The following SEMA3D variants were observed in gnomAD, a reference collection of about 807,000 sequenced individuals.
SEMA3D encodes semaphorin-3D.
In SEMA3D, 84 loss-of-function variants were observed where a neutral mutation model predicts 100.1. The observed-to-expected ratio is 0.84, with a 90% CI of 0.70 to 1.01. The LOEUF (loss-of-function observed/expected upper bound fraction) is 1.01, where lower values mean the gene tolerates loss of function less well. Ranked by LOEUF, SEMA3D falls within the 50% of genes least tolerant of loss-of-function variation. SEMA3D has a pLI of 0.00. For missense variants in SEMA3D, 875 were observed against 934.1 expected, an observed-to-expected ratio of 0.94 and a Z score of 0.82; for synonymous variants, 312 against 320.7, an observed-to-expected ratio of 0.97 and a Z score of 0.29.
At chr7:85,221,030 C>A in the SEMA3D span, among the ~76,000 whole-genome samples, 1 of 151,962 alleles carries the variant, frequency 6.6e-6, no homozygotes, top group East Asian at 1.9e-4. Flanking sequence ...TCCAAAGGAC[C>A]TTGGCCTCAG....
the SEMA3D span, among the ~76,000 whole-genome samples, chr7:85,244,410 T>C: frequency 4.7e-4 from 71 of 152,264 alleles, no homozygotes; most frequent in African/African-American, 1.5e-3. Flanking sequence ...GGGAGTCAAA[T>C]CTTAATATGA....
chr7:85,180,811 C>T (rs747381372), intron 1 of SEMA3D, among the ~76,000 whole-genome samples: 38 of 152,134 alleles, frequency 2.5e-4, no homozygotes, highest in Non-Finnish European at 4.6e-4. Context: ...TCTCTTTAGG[C>T]TTAGGCTTCT....
chr7:85,192,914 A>G, the SEMA3D span, among the ~76,000 whole-genome samples: 2 of 152,130 alleles, frequency 1.3e-5, no homozygotes, highest in African/African-American at 4.8e-5. Flanking sequence ...GTCTATGATA[A>G]CCCATTTATT....
chr7:85,179,064 G>A (rs1248099236), intron 1 of SEMA3D, among the ~76,000 whole-genome samples: 1 of 152,222 alleles, frequency 6.6e-6, no homozygotes, highest in Non-Finnish European at 1.5e-5. Context: ...CAGGATGTAT[G>A]GAAATGCATG....
At position 85,179,847 on chromosome 7, in the gene SEMA3D, G is replaced by C. The variant is rs1224107225; in HGVS notation, c.-173+6831C>G. Among the ~76,000 whole-genome samples, 4 of 152,088 alleles carry C rather than the reference G, an allele frequency of 2.6e-5. No individual in the cohort carries two copies. The South Asian group carries it at 6.2e-4, about 24-fold the overall frequency. Reference sequence around the variant, plus strand: ...TGGCTAATTTTTTGTATTTTTAGTAGAGATGGGGTTTCACCGTGTTAGCCA... The same window carrying C: ...TGGCTAATTTTTTGTATTTTTAGTACAGATGGGGTTTCACCGTGTTAGCCA... On this transcript the variant is annotated intron_variant, in intron 1 of 18. Coordinates refer to ENST00000284136, the MANE Select transcript of SEMA3D (RefSeq NM_001384900.1).
chr7:85,117,619 A>G (rs2116388908), intron 3 of SEMA3D, among the ~76,000 whole-genome samples: 1 of 152,166 alleles, frequency 6.6e-6, no homozygotes, highest in East Asian at 1.9e-4. Context: ...CAAAAAATAC[A>G]AAAATTAGCC....
At chr7:85,208,851 G>A in the SEMA3D span, among the ~76,000 whole-genome samples, 4 of 151,900 alleles carry the variant, frequency 2.6e-5, no homozygotes, top group East Asian at 1.9e-4. Context: ...GAAAATACAC[G>A]CAATACTACA....
At chr7:85,062,801 T>C (rs1159719428) in intron 8 of SEMA3D, among the ~76,000 whole-genome samples, 2 of 152,194 alleles carry the variant, frequency 1.3e-5, no homozygotes, top group Non-Finnish European at 2.9e-5. Flanking sequence ...TGAGGCCACT[T>C]AGTTACAGGA....
chr7:85,236,718 A>C, the SEMA3D span, among the ~76,000 whole-genome samples: 3 of 152,204 alleles, frequency 2.0e-5, no homozygotes, highest in South Asian at 4.1e-4. Context: ...TAATATGATA[A>C]GATAAAGCAG....
the SEMA3D span, among the ~76,000 whole-genome samples, chr7:85,228,781 G>T: frequency 9.9e-4 from 150 of 152,092 alleles, 1 homozygote; most frequent in East Asian, 0.027. Context: ...TTATGAAAAA[G>T]ACATAGAGAG....
At chr7:85,036,744 G>T in intron 12 of SEMA3D, 145 bp downstream of exon 12, 1 of 607,258 alleles carries the variant, frequency 1.6e-6, no homozygotes, top group Non-Finnish European at 2.7e-6. Context: ...AAATTTCAAT[G>T]AAGGATGAAA....
chr7:85,137,065 AC>A (rs1269883984), intron 2 of SEMA3D, among the ~76,000 whole-genome samples: 1 of 152,064 alleles, frequency 6.6e-6, no homozygotes, highest in African/African-American at 2.4e-5. Context: ...ACATACATAG[AC>A]TTTTTTCTTT....
chr7:85,209,343 T>C, the SEMA3D span, among the ~76,000 whole-genome samples: 3 of 151,964 alleles, frequency 2.0e-5, no homozygotes, highest in African/African-American at 7.2e-5. Context: ...ACCGGTGCTA[T>C]AGAACTAAAA....
chr7:85,195,441 CT>C, the SEMA3D span, among the ~76,000 whole-genome samples: 2 of 150,806 alleles, frequency 1.3e-5, no homozygotes, highest in Non-Finnish European at 1.5e-5. Context: ...TCCTTTTTTT[CT>C]TTTTTTTTGA....
the SEMA3D span, among the ~76,000 whole-genome samples, chr7:85,193,007 T>G: frequency 6.6e-6 from 1 of 152,164 alleles, no homozygotes; most frequent in African/African-American, 2.4e-5. Flanking sequence ...AACATAGCCG[T>G]TAACTTCTGG....
intron 2 of SEMA3D, among the ~76,000 whole-genome samples, chr7:85,130,227 A>G (rs912909701): frequency 1.3e-5 from 2 of 152,146 alleles, no homozygotes; most frequent in African/African-American, 4.8e-5. Flanking sequence ...AAACTCAGCA[A>G]CTATCAATAA....
At chr7:85,063,773 T>C (rs1791539496) in intron 8 of SEMA3D, among the ~76,000 whole-genome samples, 1 of 152,190 alleles carries the variant, frequency 6.6e-6, no homozygotes, top group African/African-American at 2.4e-5. Flanking sequence ...TTCTGACTCC[T>C]TGATTAAAAA....
chr7:85,137,559 T>G (rs1382915173), intron 2 of SEMA3D, among the ~76,000 whole-genome samples: 1 of 152,124 alleles, frequency 6.6e-6, no homozygotes, highest in African/African-American at 2.4e-5. Flanking sequence ...ATGCCACTAA[T>G]GTAGCACCGA....
chr7:85,216,229 T>G, the SEMA3D span, among the ~76,000 whole-genome samples: 1 of 152,082 alleles, frequency 6.6e-6, no homozygotes, highest in Admixed American at 6.6e-5. Context: ...TCATTCATTT[T>G]GGAGAAAGTT....
Sources: allele counts gnomAD v4.1 joint callset (sites outside exome capture counted in the v4.1 genomes callset), GRCh38; gene constraint gnomAD v4.1.1; transcripts MANE v1.5; gene names NCBI Gene and HGNC (gene_info 2026-07-23, HGNC 2026-07-21).